Variants in RGL3 observed in about 807,000 individuals in gnomAD.
RGL3 encodes the protein ral guanine nucleotide dissociation stimulator-like 3.
Under a neutral mutation model 90.6 loss-of-function variants are expected in RGL3, and 85 were observed. That is an observed-to-expected ratio of 0.94 (90% CI 0.79 to 1.12). The LOEUF (loss-of-function observed/expected upper bound fraction) is 1.12, where lower values mean the gene tolerates loss of function less well. Ranked by LOEUF, RGL3 falls within the 50% of genes most tolerant of loss-of-function variation. The pLI, the probability that RGL3 is intolerant of heterozygous loss-of-function variation, is 0.00. For missense variants in RGL3, 1,034 were observed against 939.2 expected, an observed-to-expected ratio of 1.10 and a Z score of -1.32; for synonymous variants, 408 against 385.5, an observed-to-expected ratio of 1.06 and a Z score of -0.68.
chr19:11,404,854 A>G (rs777638840), intron 9 of RGL3, among the ~76,000 whole-genome samples: 1 of 151,984 alleles, frequency 6.6e-6, no homozygotes, highest in South Asian at 2.1e-4. Flanking sequence ...TCCTCAGAAC[A>G]TTTTTTTTGT....
intron 5 of RGL3, among the ~76,000 whole-genome samples, chr19:11,412,069 C>T (rs1472413348): frequency 6.6e-6 from 1 of 152,008 alleles, no homozygotes; most frequent in Non-Finnish European, 1.5e-5. Flanking sequence ...CACCTGAGGT[C>T]AGGAGTTCGA....
chr19:11,407,747 C>T (rs1342639821), intron 5 of RGL3, among the ~76,000 whole-genome samples: 1 of 150,226 alleles, frequency 6.7e-6, no homozygotes, highest in African/African-American at 2.5e-5. Flanking sequence ...AATGCAATGG[C>T]GTGATCTTGG....
chr19:11,399,499 G>A (rs1455356775), intron 16 of RGL3, among the ~76,000 whole-genome samples: 1 of 152,082 alleles, frequency 6.6e-6, no homozygotes, highest in Non-Finnish European at 1.5e-5. Flanking sequence ...TGGGGGAGGG[G>A]TGGAAGTTGC....
rs370017646 is a variant in RGL3, at chr19:11,400,968, T to C, written c.1485-671A>G. 7.8e-4 allele frequency among the ~76,000 whole-genome samples: 118 copies of C among 152,024 alleles called. 3 individuals carry two copies. The South Asian group carries it at 0.022, about 28-fold the overall frequency. On this transcript the variant is annotated intron_variant, in intron 13 of 18. Transcript: ENST00000380456. Reference sequence around the variant, plus strand: ...GTCAATGGTTAGGGTCACAGTTATATAGAAAGAAAGGACACAGTTGTCATA... The same window carrying C: ...GTCAATGGTTAGGGTCACAGTTATACAGAAAGAAAGGACACAGTTGTCATA...
intron 5 of RGL3, among the ~76,000 whole-genome samples, chr19:11,411,600 T>C (rs1649784976): frequency 1.3e-5 from 2 of 152,084 alleles, no homozygotes; most frequent in South Asian, 4.1e-4. Flanking sequence ...AACAGGGGAT[T>C]TGAATATTTG....
Position 11,402,146 on chromosome 19 carries a change from C to G in RGL3, c.1363-14G>C, listed in dbSNP as rs375413580. 1.1e-5 allele frequency: 17 copies of G among 1,611,650 alleles called. No individual in the cohort carries two copies. Among genetic ancestry groups the G allele is most frequent in the African/African-American group, 1.3e-5 (1 of 74,842 alleles). On this transcript the variant is annotated splice_polypyrimidine_tract_variant and intron_variant, in intron 12 of 18. Transcript: ENST00000380456. ...GATCTCCCACTCCTGGAGGACGAGC[C>G]TCTAAGACCCTACCCCTGCCCCACC... is the stretch of plus-strand genomic sequence containing the variant.
intron 2 of RGL3, 71 bp from the exon 3 acceptor site, chr19:11,417,130 C>T (rs1969016698): frequency 9.9e-7 from 1 of 1,011,932 alleles, no homozygotes; most frequent in Non-Finnish European, 1.4e-6. Flanking sequence ...TAGTCACATT[C>T]ATCACTAGCA....
Position 11,402,646 on chromosome 19 carries a change from T to C in RGL3, c.1242+4A>G. The C allele has an allele frequency of 6.2e-7, 1 of 1,613,860 alleles. No homozygotes were observed. The highest frequency in any genetic ancestry group is 8.5e-7 in the Non-Finnish European group (1 of 1,179,920). ...TGTCCCCATCCCAAACTGTAATCAC[T>C]CACTGAGGGCAGGCTGCCTGGGGTG... On this transcript the variant is annotated splice_donor_region_variant and intron_variant, in intron 10 of 18. Transcript: ENST00000380456.
chr19:11,401,370 C>A (rs541522538), intron 13 of RGL3, among the ~76,000 whole-genome samples: 4 of 151,102 alleles, frequency 2.6e-5, no homozygotes, highest in African/African-American at 9.7e-5. Context: ...TTGGGACCAA[C>A]GGCACTCAAC....
chr19:11,398,598 G>A (rs1206846934), intron 16 of RGL3, among the ~76,000 whole-genome samples: 2 of 151,940 alleles, frequency 1.3e-5, no homozygotes, highest in African/African-American at 2.4e-5. Flanking sequence ...CACTGGCCTC[G>A]GCCTCCCAAA....
chr19:11,399,802 C>A, intron 16 of RGL3, 53 bp downstream of exon 16: 2 of 1,035,014 alleles, frequency 1.9e-6, no homozygotes, highest in Non-Finnish European at 1.4e-6. Flanking sequence ...CGTGCACACA[C>A]ACAGAGCCTG....
At chr19:11,409,263 G>A (rs961352689) in intron 5 of RGL3, among the ~76,000 whole-genome samples, 1 of 151,974 alleles carries the variant, frequency 6.6e-6, no homozygotes, top group Admixed American at 6.6e-5. Flanking sequence ...GGTAGATCAC[G>A]AGGTCAGGAG....
Position 11,406,760 on chromosome 19 carries a change from C to A in RGL3, c.742G>T (p.Val248Leu), listed in dbSNP as rs764083017. ...GTCAGCTGCTCGGCCACCTCGTCCACGCTGAAGTCCAGGAGCTGGGGACCT... is the reference window on the plus strand; with the variant it reads ...GTCAGCTGCTCGGCCACCTCGTCCAAGCTGAAGTCCAGGAGCTGGGGACCT... ...PQGPQLLDFS[V>L]DEVAEQLTLI... Residue 248 changes from valine to leucine, a missense_variant, in exon 6 of 19, where the codon GTG (valine) becomes TTG (leucine). By Grantham distance (32) the Val-to-Leu change is conservative (BLOSUM62 1). Transcript: ENST00000380456. 11 of 1,613,960 alleles carry A rather than the reference C, an allele frequency of 6.8e-6. No homozygotes were observed. Among genetic ancestry groups the A allele is most frequent in the Non-Finnish European group, 9.3e-6 (11 of 1,180,038 alleles).
Position 11,418,960 on chromosome 19 carries a change from C to T in RGL3, c.34-176G>A, listed in dbSNP as rs547782969. 8.3e-5 allele frequency: 52 copies of T among 626,982 alleles called. 1 individual carries two copies. In the South Asian group the frequency reaches 1.0e-3, roughly 12 times the overall value. 38.8% of individuals were successfully genotyped at this position (626,982 alleles called of 1,614,324 possible). A position where few individuals can be genotyped will look rare whatever the true frequency, so the allele number is the denominator to read the frequency against. On this transcript the variant is annotated intron_variant, in intron 1 of 18. Coordinates refer to ENST00000380456, the MANE Select transcript of RGL3 (RefSeq NM_001035223.4). ...CTAGTCCCCTCCTCGCTGCGGGTCC[C>T]CTCCTCCCAGGTCCTGAGGACATGG...
In RGL3 at chr19:11,400,079, G is replaced by A. The variant is rs550237910; in HGVS notation, c.1610C>T (p.Pro537Leu). Residue 537 changes from proline (P) to leucine (L), a missense_variant, in exon 15 of 19, where the codon CCT becomes CTT. Transcript: ENST00000380456. ...AKLAREKSSS[P>L]SGSPGDPSSP... ...TGAGGGGTCCCCGGGACTCCCACTA[G>A]GTGATGAGCTTTTCTCTCGGGCAAG... The A allele has an allele frequency of 1.2e-6, 2 of 1,610,416 alleles. No individual in the cohort carries two copies.
intron 5 of RGL3, among the ~76,000 whole-genome samples, chr19:11,407,228 T>C (rs1968800195): frequency 1.3e-5 from 2 of 152,032 alleles, no homozygotes; most frequent in South Asian, 2.1e-4. Flanking sequence ...TCAAGTGATC[T>C]GCCCGCCTTG....
At chr19:11,396,662 CTTTTTT>C (rs34889967) in intron 18 of RGL3, among the ~76,000 whole-genome samples, 1 of 123,106 alleles carries the variant, frequency 8.1e-6, no homozygotes, top group African/African-American at 3.1e-5. Flanking sequence ...CGTGGACAGT[CTTTTTT>C]TTTTTTTTTT....
rs1316488707 is a variant in RGL3 at position 11,394,216 on chromosome 19, T to G, written c.*186A>C. On this transcript the variant is annotated 3_prime_UTR_variant, in exon 19 of 19. Coordinates refer to ENST00000380456, the MANE Select transcript of RGL3 (RefSeq NM_001035223.4). The stretch of plus-strand genomic sequence containing the variant: ...TCTCCACCAGCCACCCATGGGCTGA[T>G]GTCTTTGGAATATGGATCTAGTACC... 1.7e-6 allele frequency: 1 copy of G among 597,476 alleles called. No homozygotes were observed. Among genetic ancestry groups the G allele is most frequent in the Admixed American group, 2.9e-5 (1 of 34,940 alleles). The allele number at this position is 597,476 out of a possible 1,614,324, so 37.0% of individuals were successfully genotyped here.
chr19:11,402,838 T>G, intron 9 of RGL3, 132 bp from the exon 10 acceptor site: 1 of 747,268 alleles, frequency 1.3e-6, no homozygotes, highest in East Asian at 2.7e-5. Flanking sequence ...CCAGGTGCGA[T>G]GGCTCACGCC....
Sources: gnomAD v4.1 joint callset for allele counts (sites outside exome capture counted in the v4.1 genomes callset) on GRCh38, gnomAD v4.1.1 for gene constraint, MANE v1.5 for transcripts, NCBI Gene and HGNC (gene_info 2026-07-23, HGNC 2026-07-21) for gene names.